EEPD1: variants seen among roughly 807,000 people sequenced by gnomAD.
EEPD1 encodes endonuclease/exonuclease/phosphatase family domain containing 1, also known as endonuclease/exonuclease/phosphatase family domain-containing protein 1.
EEPD1 carries 17 observed loss-of-function variants against 46.3 expected under a neutral mutation model. That is an observed-to-expected ratio of 0.37 (90% CI 0.25 to 0.55). The LOEUF (loss-of-function observed/expected upper bound fraction) is 0.55, where lower values mean the gene tolerates loss of function less well. Ranked by LOEUF, EEPD1 falls within the 20% of genes least tolerant of loss-of-function variation. The probability of loss-of-function intolerance (pLI) is 0.83; values close to 1 mark genes in which losing one functional copy is unlikely to be tolerated. For synonymous variants in EEPD1, 313 were observed against 315.6 expected (o/e 0.99, Z 0.09); for missense variants, 673 against 745.6 (o/e 0.90, Z 1.13).
chr7:36,199,082 T>C lies in EEPD1; in HGVS notation c.879-39903T>C, dbSNP rs548485615. ...AGCCAGTCCAAGCAGGAGGCACACATTTTGCATGCACACATTCTTCCACTG... is the reference window on the plus strand; with the variant it reads ...AGCCAGTCCAAGCAGGAGGCACACACTTTGCATGCACACATTCTTCCACTG... On this transcript the variant is annotated intron_variant, in intron 2 of 7. Coordinates refer to ENST00000242108, the MANE Select transcript of EEPD1 (RefSeq NM_030636.3). 2.0e-5 allele frequency among the ~76,000 whole-genome samples: 3 copies of C among 152,094 alleles called. No individual in the cohort carries two copies. The South Asian group carries it at 6.2e-4, about 32-fold the overall frequency.
chr7:36,168,266 A>G (rs1444006836), intron 2 of EEPD1, among the ~76,000 whole-genome samples: 1 of 152,224 alleles, frequency 6.6e-6, no homozygotes, highest in Non-Finnish European at 1.5e-5. Flanking sequence ...CTTGATATTC[A>G]TTAAGTGAAT....
At chr7:36,289,273 T>C (rs1374596057) in intron 6 of EEPD1, among the ~76,000 whole-genome samples, 1 of 152,206 alleles carries the variant, frequency 6.6e-6, no homozygotes, top group Non-Finnish European at 1.5e-5. Flanking sequence ...ACCATCCGTC[T>C]CCAGAACCTT....
At chr7:36,172,617 G>GTTTTTT (rs70977113) in intron 2 of EEPD1, among the ~76,000 whole-genome samples, 1 of 100,120 alleles carries the variant, frequency 1.0e-5, no homozygotes, top group Non-Finnish European at 2.0e-5. Flanking sequence ...AATATTATGA[G>GTTTTTT]TTTTTTTTTT....
At position 36,246,449 on chromosome 7, in the gene EEPD1, G is replaced by A. The variant is rs147250927; in HGVS notation, c.930+7413G>A. On this transcript the variant is annotated intron_variant, in intron 3 of 7. Transcript: ENST00000242108. The stretch of plus-strand genomic sequence containing the variant: ...AAGTGAGATGTGTGAAATAAAAGCC[G>A]TTATGTATATCGTAAGCACCAAAGT... Among the ~76,000 whole-genome samples the A allele has an allele frequency of 5.5e-3, 836 of 152,304 alleles. 5 individuals carry two copies. Among genetic ancestry groups the A allele is most frequent in the African/African-American group, 0.017 (719 of 41,562 alleles).
intron 2 of EEPD1, among the ~76,000 whole-genome samples, chr7:36,173,342 A>C (rs1055350625): frequency 2.7e-5 from 4 of 150,596 alleles, no homozygotes; most frequent in Admixed American, 1.3e-4. Flanking sequence ...AAAAAAAAAA[A>C]AAAAAACTTA....
chr7:36,237,756 G>A (rs182209852), intron 2 of EEPD1, among the ~76,000 whole-genome samples: 19 of 152,194 alleles, frequency 1.2e-4, no homozygotes, highest in Admixed American at 5.9e-4. Context: ...TTCAAGACCC[G>A]CCTGGCCAAC....
At chr7:36,298,399 C>T (rs1224847655) in intron 7 of EEPD1, among the ~76,000 whole-genome samples, 1 of 152,182 alleles carries the variant, frequency 6.6e-6, no homozygotes, top group African/African-American at 2.4e-5. Flanking sequence ...AGAATCTAGG[C>T]CCATGTCAAT....
intron 6 of EEPD1, among the ~76,000 whole-genome samples, chr7:36,294,082 CTATG>C (rs1407158963): frequency 6.6e-6 from 1 of 151,780 alleles, no homozygotes; most frequent in Non-Finnish European, 1.5e-5. Context: ...GTGAAAATAA[CTATG>C]TAAGTATACA....
chr7:36,155,352 C>G, intron 2 of EEPD1, 150 bp downstream of exon 2: 1 of 972,832 alleles, frequency 1.0e-6, no homozygotes, highest in East Asian at 3.0e-5. Context: ...ATACCGTCAC[C>G]TGAGAATGGG....
chr7:36,213,023 TAC>T (rs1785963335), intron 2 of EEPD1, among the ~76,000 whole-genome samples: 4 of 152,030 alleles, frequency 2.6e-5, no homozygotes, highest in African/African-American at 9.7e-5. Flanking sequence ...TATGGTGGCA[TAC>T]GCCTGTAATC....
intron 2 of EEPD1, among the ~76,000 whole-genome samples, chr7:36,226,725 A>G (rs1306524418): frequency 6.6e-6 from 1 of 152,216 alleles, no homozygotes; most frequent in African/African-American, 2.4e-5. Flanking sequence ...AATTCAAATA[A>G]CCATTGAATC....
intron 3 of EEPD1, among the ~76,000 whole-genome samples, chr7:36,254,665 A>G (rs1393955792): frequency 2.0e-5 from 3 of 152,144 alleles, no homozygotes; most frequent in East Asian, 1.9e-4. Context: ...ACTGGGTCAA[A>G]TGGTATTTCT....
chr7:36,239,603 C>A (rs1474090026), intron 3 of EEPD1, among the ~76,000 whole-genome samples: 1 of 152,132 alleles, frequency 6.6e-6, no homozygotes, highest in Non-Finnish European at 1.5e-5. Context: ...TGCCTCTCTG[C>A]CCCCAAACCA....
chr7:36,179,642 T>C (rs556605023), intron 2 of EEPD1, among the ~76,000 whole-genome samples: 7 of 144,906 alleles, frequency 4.8e-5, no homozygotes, highest in Admixed American at 7.1e-5. Flanking sequence ...GGGCAGATCA[T>C]TTAGGCCAGG....
chr7:36,294,980 C>A (rs904419323), intron 6 of EEPD1, among the ~76,000 whole-genome samples: 10 of 151,962 alleles, frequency 6.6e-5, no homozygotes, highest in Admixed American at 2.6e-4. Context: ...GAGTTCAAGA[C>A]CAGCCTGGCC....
At chr7:36,292,467 T>TTCTC (rs901816376) in intron 6 of EEPD1, among the ~76,000 whole-genome samples, 2 of 150,298 alleles carry the variant, frequency 1.3e-5, no homozygotes, top group African/African-American at 4.9e-5. Flanking sequence ...CTCCTTGTCT[T>TTCTC]TCTCTCTCTC....
At chr7:36,273,455 T>C (rs955387388) in intron 3 of EEPD1, among the ~76,000 whole-genome samples, 2 of 152,106 alleles carry the variant, frequency 1.3e-5, no homozygotes, top group African/African-American at 4.8e-5. Context: ...CATTGTTGGA[T>C]TTACCCAAAT....
At chr7:36,156,597 T>TAG (rs1784828860) in intron 2 of EEPD1, among the ~76,000 whole-genome samples, 2 of 152,216 alleles carry the variant, frequency 1.3e-5, no homozygotes, top group African/African-American at 4.8e-5. Flanking sequence ...TTATGCTTTC[T>TAG]AGTGGCTCAA....
At chr7:36,263,595 T>C (rs1786966409) in intron 3 of EEPD1, among the ~76,000 whole-genome samples, 2 of 152,226 alleles carry the variant, frequency 1.3e-5, no homozygotes, top group South Asian at 4.1e-4. Flanking sequence ...TAAAACAAGA[T>C]CCCTAGCATG....
Sources: gnomAD v4.1 joint callset for allele counts (sites outside exome capture counted in the v4.1 genomes callset) on GRCh38, gnomAD v4.1.1 for gene constraint, MANE v1.5 for transcripts, NCBI Gene and HGNC (gene_info 2026-07-23, HGNC 2026-07-21) for gene names.